The following PPP4R1 variants were observed in gnomAD, a reference collection of about 807,000 sequenced individuals.
PPP4R1 encodes the protein serine/threonine-protein phosphatase 4 regulatory subunit 1.
A neutral mutation model predicts 111.2 loss-of-function variants in PPP4R1; 42 were observed. That is an observed-to-expected ratio of 0.38 (90% CI 0.29 to 0.49). PPP4R1 has a LOEUF of 0.49. PPP4R1 is among the 20% of genes least tolerant of loss of function. The pLI is 0.97. For missense variants in PPP4R1, 1,012 were observed against 1,161.6 expected (o/e 0.87, Z 1.87); for synonymous variants, 409 against 405.5 (o/e 1.01, Z -0.10).
intron 9 of PPP4R1, among the ~76,000 whole-genome samples, chr18:9,580,351 A>ATT (rs3974279): frequency 9.4e-4 from 138 of 146,384 alleles, no homozygotes; most frequent in African/African-American, 1.1e-3. Flanking sequence ...TGAGAGTCTA[A>ATT]TTTTTTTTTT....
intron 6 of PPP4R1, 138 bp from the exon 7 acceptor site, chr18:9,584,966 AT>A (rs2067092743): frequency 5.0e-6 from 3 of 602,368 alleles, no homozygotes; most frequent in Non-Finnish European, 8.3e-6. Flanking sequence ...GACAGAAAAC[AT>A]TCATAGCCAA....
chr18:9,572,451 G>A (rs1256814404), intron 10 of PPP4R1, among the ~76,000 whole-genome samples: 2 of 152,018 alleles, frequency 1.3e-5, no homozygotes, highest in African/African-American at 4.8e-5. Context: ...AAAGAATATG[G>A]GCTTCAAAAA....
intron 11 of PPP4R1, among the ~76,000 whole-genome samples, chr18:9,565,067 A>G (rs559187223): frequency 6.6e-6 from 1 of 152,050 alleles, no homozygotes; most frequent in Non-Finnish European, 1.5e-5. Flanking sequence ...TAGCAAGTCT[A>G]TTGGTGCTAT....
chr18:9,577,102 G>A lies in PPP4R1; in HGVS notation c.1008C>T (p.Ser336=). 1 of 1,595,644 alleles carries A rather than the reference G, an allele frequency of 6.3e-7. No homozygotes were observed. The highest frequency in any genetic ancestry group is 8.6e-7 in the Non-Finnish European group (1 of 1,169,038). Residue 336 remains serine, a synonymous_variant, in exon 10 of 20, where the codon AGC becomes AGT. Transcript: ENST00000400556. ...CTACTGACATCTCTTCTGAACTTTT[G>A]CTTTCTTCTTTAAAATACTGGCCTG... ...SSSGQYFKEE[S]KSSEEMSVEN...
At chr18:9,566,758 G>A (rs892759652) in intron 11 of PPP4R1, among the ~76,000 whole-genome samples, 3 of 151,950 alleles carry the variant, frequency 2.0e-5, no homozygotes, top group Non-Finnish European at 4.4e-5. Flanking sequence ...AATCTACTCT[G>A]CCTGTGCTCT....
At chr18:9,573,762 C>G (rs2066897146) in intron 10 of PPP4R1, among the ~76,000 whole-genome samples, 1 of 152,124 alleles carries the variant, frequency 6.6e-6, no homozygotes, top group Admixed American at 6.6e-5. Context: ...TCCTTGATCA[C>G]TAGCTCACCT....
At chr18:9,590,390 A>G (rs2067191364) in intron 4 of PPP4R1, among the ~76,000 whole-genome samples, 1 of 152,214 alleles carries the variant, frequency 6.6e-6, no homozygotes, top group Non-Finnish European at 1.5e-5. Flanking sequence ...AGAAAAACCT[A>G]ATTTTTAAAA....
At chr18:9,615,992 C>A (rs978948303), upstream of PPP4R1, among the ~76,000 whole-genome samples, 3 of 152,096 alleles carry the variant, frequency 2.0e-5, no homozygotes, top group African/African-American at 7.2e-5. Flanking sequence ...AGAATAGACC[C>A]CGTAACCCCG....
chr18:9,614,977 C>T (rs923569984), upstream of PPP4R1: 54 of 152,238 alleles, frequency 3.5e-4, no homozygotes, highest in African/African-American at 1.2e-3. This position sits in a 1 kb window ranked among gnomAD's most constrained non-coding sequence, Gnocchi z 4.1. Flanking sequence ...TCGGCGGGCG[C>T]GCCGCTCGCA....
chr18:9,573,770 C>T (rs1007486319), intron 10 of PPP4R1, among the ~76,000 whole-genome samples: 19 of 152,024 alleles, frequency 1.2e-4, no homozygotes, highest in African/African-American at 4.4e-4. Context: ...CACTAGCTCA[C>T]CTTGGTGTTA....
At chr18:9,564,354 CAG>C (rs901759761) in intron 11 of PPP4R1, among the ~76,000 whole-genome samples, 4 of 152,108 alleles carry the variant, frequency 2.6e-5, no homozygotes, top group Admixed American at 2.6e-4. Context: ...ACAAAACAAT[CAG>C]TAACTATTTT....
At chr18:9,552,600 A>C (rs746301587) in intron 16 of PPP4R1, among the ~76,000 whole-genome samples, 3 of 152,262 alleles carry the variant, frequency 2.0e-5, no homozygotes, top group Admixed American at 6.5e-5. Flanking sequence ...GTTGTGGAAA[A>C]GTTTTGGCAG....
At chr18:9,549,733 T>C in intron 18 of PPP4R1, 1 of 493,064 alleles carries the variant, frequency 2.0e-6, no homozygotes, top group East Asian at 3.5e-5. Context: ...ATGTGCACTG[T>C]GAAATGTACA....
intron 2 of PPP4R1, among the ~76,000 whole-genome samples, chr18:9,600,683 A>G (rs2067366337): frequency 6.6e-6 from 1 of 152,148 alleles, no homozygotes; most frequent in Non-Finnish European, 1.5e-5. Flanking sequence ...AGATGAGACC[A>G]GCCTGGGCAA....
chr18:9,579,908 T>C (rs532747960), intron 9 of PPP4R1, among the ~76,000 whole-genome samples: 1 of 152,174 alleles, frequency 6.6e-6, no homozygotes, highest in African/African-American at 2.4e-5. Flanking sequence ...CAATCCTCCA[T>C]GGATACCAAG....
intron 9 of PPP4R1, among the ~76,000 whole-genome samples, chr18:9,580,310 T>A (rs1264844332): frequency 6.6e-6 from 1 of 151,072 alleles, no homozygotes; most frequent in East Asian, 1.9e-4. Context: ...TAAAGAAAAC[T>A]GACAAAATGT....
chr18:9,582,412 A>G (rs1489088156), intron 9 of PPP4R1, among the ~76,000 whole-genome samples: 2 of 152,212 alleles, frequency 1.3e-5, no homozygotes, highest in Non-Finnish European at 2.9e-5. Context: ...ATCATATACC[A>G]ACAAATTAAG....
At chr18:9,614,591 G>T, upstream of PPP4R1, 2 of 743,502 alleles carry the variant, frequency 2.7e-6, no homozygotes, top group Non-Finnish European at 3.3e-6. This position sits in a 1 kb window ranked among gnomAD's most constrained non-coding sequence, Gnocchi z 4.1. Flanking sequence ...CGGGGAGGAG[G>T]AGGGCCGGGC....
intron 11 of PPP4R1, 173 bp from the exon 12 acceptor site, chr18:9,563,723 A>G (rs2066716284): frequency 2.0e-6 from 1 of 509,388 alleles, no homozygotes; most frequent in Non-Finnish European, 3.3e-6. Context: ...CTTCAAGAGA[A>G]AAAGTAGAAA....
Sources: allele counts gnomAD v4.1 joint callset (sites outside exome capture counted in the v4.1 genomes callset), GRCh38; gene constraint gnomAD v4.1.1; non-coding constraint Gnocchi (gnomAD v3.1); transcripts MANE v1.5; gene names NCBI Gene and HGNC (gene_info 2026-07-23, HGNC 2026-07-21).